The following PREX2 variants were observed in gnomAD, a reference collection of about 807,000 sequenced individuals.
PREX2 encodes phosphatidylinositol-3,4,5-trisphosphate dependent Rac exchange factor 2, also known as phosphatidylinositol 3,4,5-trisphosphate-dependent Rac exchanger 2 protein.
PREX2 carries 107 observed loss-of-function variants against 203.2 expected under a neutral mutation model. The observed-to-expected ratio is 0.53, with a 90% confidence interval of 0.45 to 0.62. The LOEUF is 0.62. PREX2 is among the 20% of genes least tolerant of loss of function. The pLI is 0.00. For synonymous variants in PREX2, 672 were observed against 663.6 expected, an observed-to-expected ratio of 1.01 and a Z score of -0.19; for missense variants, 1,777 against 1,955.9, an observed-to-expected ratio of 0.91 and a Z score of 1.72.
Position 67,952,200 on chromosome 8 carries a change from C to G in PREX2, c.-195C>G, listed in dbSNP as rs1805359501. ...TTCCTCTGCAGAGCCCCGCGCCCCC[C>G]GCGCCGGGATTTCAGCCCGATCCCC... On this transcript the variant is annotated 5_prime_UTR_variant, in exon 1 of 40. Transcript: ENST00000288368. 1 of 426,076 alleles carries G rather than the reference C, an allele frequency of 2.3e-6. No homozygotes were observed. Among genetic ancestry groups the G allele is most frequent in the East Asian group, 4.2e-5 (1 of 23,736 alleles). The allele number at this position is 426,076 out of a possible 1,614,324, so 26.4% of individuals were successfully genotyped here.
intron 13 of PREX2, among the ~76,000 whole-genome samples, chr8:68,070,854 G>A (rs553917239): frequency 6.6e-6 from 1 of 152,086 alleles, no homozygotes; most frequent in African/African-American, 2.4e-5. Context: ...TCCTGGAGGA[G>A]AAAGCAGGAT....
At chr8:68,023,332 T>C (rs1382898371) in intron 4 of PREX2, among the ~76,000 whole-genome samples, 2 of 152,202 alleles carry the variant, frequency 1.3e-5, no homozygotes, top group African/African-American at 4.8e-5. Context: ...AGTGGGTGTG[T>C]AGTGCTATCT....
At chr8:68,216,785 A>G (rs112611157) in intron 37 of PREX2, among the ~76,000 whole-genome samples, 15,837 of 151,914 alleles carry the variant, frequency 0.1, 2,164 homozygotes, top group African/African-American at 0.31. Flanking sequence ...GTGAAACCCC[A>G]TATCTACTAA....
rs1563545102 is a variant in PREX2 at position 68,099,711 on chromosome 8, G to A, written c.2583G>A (p.Glu861=). ...TTGAAGCCCTGGCTAAAAGTGATGAGCATTTTGTACAAAACTGTACCAGCC... is the reference window on the plus strand; with the variant it reads ...TTGAAGCCCTGGCTAAAAGTGATGAACATTTTGTACAAAACTGTACCAGCC... The part of the protein sequence containing the change: ...KILEALAKSD[E]HFVQNCTSLN... Residue 861 remains glutamate, a synonymous_variant, in exon 23 of 40, where the codon GAG becomes GAA. Transcript: ENST00000288368. The A allele has an allele frequency of 1.2e-6, 2 of 1,613,680 alleles. No individual in the cohort carries two copies. The highest frequency in any genetic ancestry group is 1.7e-6 in the Non-Finnish European group (2 of 1,179,874).
At position 68,083,318 on chromosome 8, in the gene PREX2, G is replaced by T; in HGVS notation, c.1957G>T (p.Asp653Tyr). The change falls in exon 18 of 40, where the codon GAT becomes TAT. Residue 653 changes from aspartate to tyrosine, a missense_variant. Transcript: ENST00000288368. ...TTTTATGAGACCTTTCAATGAAGTG[G>T]ATTGCTTCCTGAAATCGTGTTTAAA... The part of the protein sequence containing the change: ...LVFMRPFNEV[D>Y]CFLKSCLNSR... 3 of 1,611,306 alleles carry T rather than the reference G, an allele frequency of 1.9e-6. No homozygotes were observed. The highest frequency in any genetic ancestry group is 2.5e-6 in the Non-Finnish European group (3 of 1,178,036).
chr8:67,980,756 C>T (rs780353111), intron 1 of PREX2, among the ~76,000 whole-genome samples: 2 of 152,174 alleles, frequency 1.3e-5, no homozygotes, highest in East Asian at 3.9e-4. Flanking sequence ...GGGCTTCCCC[C>T]TTTGTTTCAG....
chr8:68,066,869 G>A (rs905175086), intron 11 of PREX2, among the ~76,000 whole-genome samples: 1 of 152,058 alleles, frequency 6.6e-6, no homozygotes, highest in Non-Finnish European at 1.5e-5. Context: ...TACATCATAT[G>A]TTTAAATCTT....
intron 1 of PREX2, among the ~76,000 whole-genome samples, chr8:67,993,669 A>G (rs1170919717): frequency 1.3e-5 from 2 of 152,108 alleles, no homozygotes; most frequent in Non-Finnish European, 2.9e-5. Context: ...CGGCCTCCCA[A>G]AGTGCTGGGG....
chr8:68,137,958 T>C (rs1811146598), intron 32 of PREX2, among the ~76,000 whole-genome samples: 1 of 152,184 alleles, frequency 6.6e-6, no homozygotes, highest in South Asian at 2.1e-4. Flanking sequence ...TTACTAAATA[T>C]AGCAAATGAA....
intron 34 of PREX2, among the ~76,000 whole-genome samples, chr8:68,151,209 G>A (rs778265094): frequency 5.3e-5 from 8 of 151,852 alleles, no homozygotes; most frequent in Non-Finnish European, 1.0e-4. Context: ...TCACTTGAGC[G>A]CAGGAACTTG....
At chr8:68,198,684 G>A (rs966741561) in intron 37 of PREX2, among the ~76,000 whole-genome samples, 13 of 152,002 alleles carry the variant, frequency 8.6e-5, no homozygotes, top group African/African-American at 2.7e-4. Context: ...CATTAATTTC[G>A]GCCTCCTTAG....
Position 68,120,189 on chromosome 8 carries a change from T to C in PREX2, c.3505-7T>C. 1 of 1,584,798 alleles carries C rather than the reference T, an allele frequency of 6.3e-7. No homozygotes were observed. The highest frequency in any genetic ancestry group is 8.7e-7 in the Non-Finnish European group (1 of 1,153,510). On this transcript the variant is annotated splice_region_variant and splice_polypyrimidine_tract_variant and intron_variant, in intron 28 of 39. Coordinates refer to ENST00000288368, the MANE Select transcript of PREX2 (RefSeq NM_024870.4). ...ATATGTAACTCGGAAATCTCTACTA[T>C]TGATAGGTGGATTCAATTACCAATC...
In PREX2 at chr8:68,168,439, G is replaced by C. The variant is rs567899502; in HGVS notation, c.4346+11003G>C. On this transcript the variant is annotated intron_variant, in intron 35 of 39. Transcript: ENST00000288368. Reference sequence around the variant, plus strand: ...ATGAGCATTAATTACATGATACCCTGTTCTCCTAAGAAAACATTTTAATGT... The same window carrying C: ...ATGAGCATTAATTACATGATACCCTCTTCTCCTAAGAAAACATTTTAATGT... 1.2e-4 allele frequency among the ~76,000 whole-genome samples: 19 copies of C among 152,252 alleles called. 1 individual carries two copies. In the East Asian group the frequency reaches 3.5e-3, roughly 28 times the overall value.
chr8:67,981,069 T>C (rs961043409), intron 1 of PREX2, among the ~76,000 whole-genome samples: 7 of 152,224 alleles, frequency 4.6e-5, no homozygotes, highest in East Asian at 3.8e-4. Context: ...TAATTATTTT[T>C]GATAGGAAGT....
At chr8:68,105,089 T>C (rs529698003) in intron 23 of PREX2, 2 of 1,340,422 alleles carry the variant, frequency 1.5e-6, no homozygotes, top group Admixed American at 1.9e-5. Context: ...CAGGATGTTC[T>C]CATGCATGAA....
intron 39 of PREX2, among the ~76,000 whole-genome samples, chr8:68,229,760 C>T (rs189362571): frequency 1.3e-5 from 2 of 152,346 alleles, no homozygotes; most frequent in East Asian, 3.9e-4. Flanking sequence ...CTTCCCATTC[C>T]TGTCCTACGT....
chr8:68,230,708 A>G (rs547069757), intron 39 of PREX2, among the ~76,000 whole-genome samples: 5 of 152,240 alleles, frequency 3.3e-5, no homozygotes, highest in African/African-American at 1.2e-4. Flanking sequence ...AGGCATCTCC[A>G]TGGTTTAAGT....
At chr8:68,102,183 A>G (rs558026210) in intron 23 of PREX2, among the ~76,000 whole-genome samples, 2 of 152,086 alleles carry the variant, frequency 1.3e-5, no homozygotes, top group South Asian at 4.2e-4. Context: ...ATGTGTATGG[A>G]CTCTTCTCTC....
intron 7 of PREX2, among the ~76,000 whole-genome samples, chr8:68,041,268 T>C (rs1808189166): frequency 6.6e-6 from 1 of 152,130 alleles, no homozygotes; most frequent in African/African-American, 2.4e-5. Flanking sequence ...ACAAAACCGA[T>C]TGATTTATAA....
Sources: gnomAD v4.1 joint callset for allele counts (sites outside exome capture counted in the v4.1 genomes callset) on GRCh38, gnomAD v4.1.1 for gene constraint, MANE v1.5 for transcripts, NCBI Gene and HGNC (gene_info 2026-07-23, HGNC 2026-07-21) for gene names.